Variants in BCAS3 observed in about 807,000 individuals in gnomAD.
BCAS3 encodes the protein BCAS3 microtubule associated cell migration factor, also known as BCAS4/BCAS3 fusion.
BCAS3 carries 53 observed loss-of-function variants against 116.1 expected under a neutral mutation model. The ratio of observed to expected loss-of-function variants is 0.46; its 90% confidence interval spans 0.37 to 0.57. The LOEUF (loss-of-function observed/expected upper bound fraction) is 0.57. Among genes scored for constraint, BCAS3 ranks in the 20% least tolerant of loss-of-function variants. BCAS3 has a pLI of 0.00. For synonymous variants in BCAS3, 391 were observed against 408.2 expected (o/e 0.96, Z 0.51); for missense variants, 917 against 1,165.4 (o/e 0.79, Z 3.10).
Position 61,226,558 on chromosome 17 carries a change from A to G in BCAS3, c.2426-141769A>G, listed in dbSNP as rs1203319630. On this transcript the variant is annotated intron_variant, in intron 22 of 23. Transcript: ENST00000407086. This position sits in a 1 kb window ranked among gnomAD's most constrained non-coding sequence, Gnocchi z 6.0. ...GAATTGTGTTGAACGACTCACTGCT[A>G]TGAGCACCCAGTATTTACTAGATCT... 6.6e-6 allele frequency among the ~76,000 whole-genome samples: 1 copy of G among 152,214 alleles called. No individual in the cohort carries two copies. Among genetic ancestry groups the G allele is most frequent in the African/African-American group, 2.4e-5 (1 of 41,462 alleles).
chr17:60,931,229 T>G lies in BCAS3; in HGVS notation c.1087+6729T>G, dbSNP rs112792507. 3.8e-3 allele frequency among the ~76,000 whole-genome samples: 572 copies of G among 152,256 alleles called. 3 individuals are homozygous for G. Among genetic ancestry groups the G allele is most frequent in the African/African-American group, 0.013 (544 of 41,552 alleles). On this transcript the variant is annotated intron_variant, in intron 13 of 23. Coordinates refer to ENST00000407086, the MANE Select transcript of BCAS3 (RefSeq NM_017679.5). ...AAATTTGTTGCTCTCAGGGACAAAG[T>G]GAATAACATTTTCAAGGAACTTTAA... is the stretch of plus-strand genomic sequence containing the variant.
At position 61,282,780 on chromosome 17, in the gene BCAS3, C is replaced by T. The variant is rs918147385; in HGVS notation, c.2426-85547C>T. On this transcript the variant is annotated intron_variant, in intron 22 of 23. Coordinates refer to ENST00000407086, the MANE Select transcript of BCAS3 (RefSeq NM_017679.5). The surrounding 1 kb of genome is among the most constrained non-coding windows in gnomAD (Gnocchi z 5.9). ...TAATGAGTTGGTCACATTGCATCATCCCTTTATCTACCCAAAATGTGAATT... is the reference window on the plus strand; with the variant it reads ...TAATGAGTTGGTCACATTGCATCATTCCTTTATCTACCCAAAATGTGAATT... Among the ~76,000 whole-genome samples the T allele has an allele frequency of 1.3e-5, 2 of 152,106 alleles. No homozygotes were observed. The highest frequency in any genetic ancestry group is 4.8e-5 in the African/African-American group (2 of 41,406).
At position 61,004,466 on chromosome 17, in the gene BCAS3, A is replaced by G. The variant is rs1483834259; in HGVS notation, c.1487-11285A>G. Reference sequence around the variant, plus strand: ...GCCAGAGTTTGAATGATTGACCCATATGAACAGATTTAGAAATTATCAGAC... The same window carrying G: ...GCCAGAGTTTGAATGATTGACCCATGTGAACAGATTTAGAAATTATCAGAC... On this transcript the variant is annotated intron_variant, in intron 15 of 23. Transcript: ENST00000407086. This position sits in a 1 kb window ranked among gnomAD's most constrained non-coding sequence, Gnocchi z 4.8. 6.6e-6 allele frequency among the ~76,000 whole-genome samples: 1 copy of G among 152,032 alleles called. No individual in the cohort carries two copies. Among genetic ancestry groups the G allele is most frequent in the African/African-American group, 2.4e-5 (1 of 41,402 alleles).
rs2053922167 is a variant in BCAS3, at chr17:61,307,201, T to C, written c.2426-61126T>C. 6.6e-6 allele frequency among the ~76,000 whole-genome samples: 1 copy of C among 152,242 alleles called. No individual in the cohort carries two copies. Among genetic ancestry groups the C allele is most frequent in the African/African-American group, 2.4e-5 (1 of 41,470 alleles). The stretch of plus-strand genomic sequence containing the variant: ...GCCCAAGTTGGGACTTGCTGAACAT[T>C]GGTTTCCAGCCCTGTGGCCCCAGAA... On this transcript the variant is annotated intron_variant, in intron 22 of 23. Transcript: ENST00000407086. The surrounding 1 kb of genome is among the most constrained non-coding windows in gnomAD (Gnocchi z 4.7).
Position 60,718,139 on chromosome 17 carries a change from C to T in BCAS3, c.321+8814C>T, listed in dbSNP as rs143774561. On this transcript the variant is annotated intron_variant, in intron 5 of 23. Coordinates refer to ENST00000407086, the MANE Select transcript of BCAS3 (RefSeq NM_017679.5). ...GCAGCTGTAAATACAGTTGAAGCTTCGCTTTTGCTTGCCTGCTTCTCACCT... is the reference window on the plus strand; with the variant it reads ...GCAGCTGTAAATACAGTTGAAGCTTTGCTTTTGCTTGCCTGCTTCTCACCT... Among the ~76,000 whole-genome samples the T allele has an allele frequency of 2.2e-3, 342 of 152,328 alleles. 5 individuals carry two copies. The highest frequency in any genetic ancestry group is 0.017 in the East Asian group (87 of 5,182).
At chr17:60,747,317 G>C in intron 6 of BCAS3, 38 bp downstream of exon 6, 2 of 1,529,944 alleles carry the variant, frequency 1.3e-6, no homozygotes, top group South Asian at 1.1e-5. Context: ...TTTCAGAAAA[G>C]AGTTTCTCTT....
chr17:61,135,631 G>A (rs142080717), intron 22 of BCAS3, among the ~76,000 whole-genome samples: 82 of 152,298 alleles, frequency 5.4e-4, no homozygotes, highest in African/African-American at 1.9e-3. Context: ...GCCACCCCCT[G>A]TCTATATGCA....
intron 3 of BCAS3, among the ~76,000 whole-genome samples, chr17:60,684,758 A>G (rs1328596535): frequency 1.3e-5 from 2 of 152,118 alleles, no homozygotes; most frequent in Non-Finnish European, 2.9e-5. Flanking sequence ...ACTGAAGGGA[A>G]AGGTTTCCAT....
In BCAS3 at chr17:61,343,874, T is replaced by G. The variant is rs2057340492; in HGVS notation, c.2426-24453T>G. ...CTCTGCAGCCCCCATGGCGACACCC[T>G]CTCTCTTTGGACCACCTCCTCCCCT... is the stretch of plus-strand genomic sequence containing the variant. On this transcript the variant is annotated intron_variant, in intron 22 of 23. Transcript: ENST00000407086. This position sits in a 1 kb window ranked among gnomAD's most constrained non-coding sequence, Gnocchi z 5.5. Among the ~76,000 whole-genome samples, 1 of 152,180 alleles carries G rather than the reference T, an allele frequency of 6.6e-6. No individual in the cohort carries two copies. The highest frequency in any genetic ancestry group is 2.1e-4 in the South Asian group (1 of 4,826).
intron 22 of BCAS3, among the ~76,000 whole-genome samples, chr17:61,322,856 CAGAGAGAG>C (rs149772722): frequency 0.013 from 764 of 60,504 alleles, 12 homozygotes; most frequent in African/African-American, 0.049. Flanking sequence ...GAGAGAGAGA[CAGAGAGAG>C]AGAGAGAGAG....
In BCAS3 at chr17:60,679,462, A is replaced by C. The variant is rs1007480337; in HGVS notation, c.5A>C (p.Asn2Thr). ...TTTGTTCTGGAAACAGGTTTTATGA[A>C]TGAAGCTATGGCTACAGATTCCCCA... Reference protein sequence around the residue: MNEAMATDSPRR... With the variant: MTEAMATDSPRR... Residue 2 changes from asparagine to threonine, a missense_variant, in exon 2 of 24, where the codon AAT (asparagine) becomes ACT (threonine). Around this residue, in one of 3 missense-constraint regions of BCAS3, gnomAD observed 807 missense variants for 1,026.0 expected, o/e 0.79. Coordinates refer to ENST00000407086, the MANE Select transcript of BCAS3 (RefSeq NM_017679.5). The C allele has an allele frequency of 6.2e-7, 1 of 1,613,030 alleles. No individual in the cohort carries two copies. Among genetic ancestry groups the C allele is most frequent in the African/African-American group, 1.3e-5 (1 of 75,040 alleles).
intron 22 of BCAS3, among the ~76,000 whole-genome samples, chr17:61,334,664 CAAAAAAAA>C (rs35400660): frequency 0.011 from 567 of 50,934 alleles, 7 homozygotes; most frequent in African/African-American, 0.033. Flanking sequence ...AACTCCATCT[CAAAAAAAA>C]AAAAAAAAAA....
At chr17:60,754,947 G>T (rs1468132828) in intron 6 of BCAS3, among the ~76,000 whole-genome samples, 1 of 152,136 alleles carries the variant, frequency 6.6e-6, no homozygotes, top group Non-Finnish European at 1.5e-5. Context: ...ATAACACCTA[G>T]TCTTTATTAT....
chr17:61,176,153 AAAAAAAAAG>A (rs1230035921), intron 22 of BCAS3, among the ~76,000 whole-genome samples: 1 of 150,008 alleles, frequency 6.7e-6, no homozygotes, highest in African/African-American at 2.4e-5. Context: ...AAAAAAAAAA[AAAAAAAAAG>A]AAAAAGAAAA....
chr17:60,938,773 A>C (rs995702474), intron 13 of BCAS3, among the ~76,000 whole-genome samples: 31 of 151,146 alleles, frequency 2.1e-4, no homozygotes, highest in Non-Finnish European at 1.9e-4. Context: ...GAAAACATAC[A>C]ATTTAAAATG....
intron 22 of BCAS3, among the ~76,000 whole-genome samples, chr17:61,086,480 A>C (rs2073103894): frequency 6.6e-6 from 1 of 152,218 alleles, no homozygotes; most frequent in Non-Finnish European, 1.5e-5. Flanking sequence ...ACTGTTATTT[A>C]AATCCTTTTG....
At chr17:60,847,422 G>A (rs2144787353) in intron 7 of BCAS3, among the ~76,000 whole-genome samples, 1 of 152,268 alleles carries the variant, frequency 6.6e-6, no homozygotes, top group South Asian at 2.1e-4. Flanking sequence ...TTTTCCACAG[G>A]AGATGTACCA....
chr17:61,344,888 A>G lies in BCAS3; in HGVS notation c.2426-23439A>G, dbSNP rs2057404532. ...CAGCCCCTTGTTTGCCACCATGGAC[A>G]GGTATTTTATGATTCCTGGATCGGA... is the stretch of plus-strand genomic sequence containing the variant. On this transcript the variant is annotated intron_variant, in intron 22 of 23. Transcript: ENST00000407086. The surrounding 1 kb of genome is among the most constrained non-coding windows in gnomAD (Gnocchi z 4.1). 6.6e-6 allele frequency among the ~76,000 whole-genome samples: 1 copy of G among 151,814 alleles called. No homozygotes were observed. Among genetic ancestry groups the G allele is most frequent in the African/African-American group, 2.4e-5 (1 of 41,334 alleles).
At chr17:61,320,876 T>A (rs2055154914) in intron 22 of BCAS3, among the ~76,000 whole-genome samples, 1 of 152,164 alleles carries the variant, frequency 6.6e-6, no homozygotes, top group African/African-American at 2.4e-5. Flanking sequence ...TGTAATCAGC[T>A]CTTCAGTCAC....
Sources: allele counts gnomAD v4.1 joint callset (sites outside exome capture counted in the v4.1 genomes callset), GRCh38; gene constraint gnomAD v4.1.1; regional missense constraint gnomAD v4.1.1; non-coding constraint Gnocchi (gnomAD v3.1); transcripts MANE v1.5; gene names NCBI Gene and HGNC (gene_info 2026-07-23, HGNC 2026-07-21).